Variants in GTF2F2 observed in about 807,000 individuals in gnomAD.
The protein encoded by GTF2F2 is ATP-dependent helicase GTF2F2.
In GTF2F2, 23 loss-of-function variants were observed where a neutral mutation model predicts 42.2. The observed-to-expected ratio is 0.55, with a 90% CI of 0.39 to 0.77. The LOEUF is 0.77. Ranked by LOEUF, GTF2F2 falls within the 30% of genes least tolerant of loss-of-function variation. The pLI is 0.00. For synonymous variants in GTF2F2, 105 were observed against 100.8 expected, an observed-to-expected ratio of 1.04 and a Z score of -0.25; for missense variants, 261 against 287.2, an observed-to-expected ratio of 0.91 and a Z score of 0.66.
chr13:45,191,643 A>G (rs1308100100), intron 4 of GTF2F2, among the ~76,000 whole-genome samples: 1 of 152,138 alleles, frequency 6.6e-6, no homozygotes, highest in African/African-American at 2.4e-5. Flanking sequence ...AAATCCAAGT[A>G]CAAGTAATTT....
chr13:45,136,409 G>C (rs577846144), intron 1 of GTF2F2, among the ~76,000 whole-genome samples: 5 of 152,324 alleles, frequency 3.3e-5, no homozygotes, highest in African/African-American at 1.2e-4. Flanking sequence ...AGTGAGTGCT[G>C]TTCTCTTCTG....
intron 4 of GTF2F2, among the ~76,000 whole-genome samples, chr13:45,191,224 A>AAAAAAAAAAAAATAT: frequency 1.3e-5 from 1 of 75,312 alleles, no homozygotes; most frequent in African/African-American, 1.0e-4. Context: ...ACAAAAAAAA[A>AAAAAAAAAAAAATAT]ATATATATAT....
At chr13:45,239,350 T>C (rs1297270214) in intron 5 of GTF2F2, among the ~76,000 whole-genome samples, 1 of 152,246 alleles carries the variant, frequency 6.6e-6, no homozygotes, top group Non-Finnish European at 1.5e-5. Flanking sequence ...GTGGAAATCT[T>C]GTGTTGTCTA....
chr13:45,245,682 TATATATATATATATATATAC>T (rs1875557055), intron 5 of GTF2F2, among the ~76,000 whole-genome samples: 1 of 112,806 alleles, frequency 8.9e-6, no homozygotes, highest in South Asian at 2.4e-4. Context: ...TATATATATA[TATATATATATATATATATAC>T]ATATACATAC....
chr13:45,132,280 A>G (rs935774167), intron 1 of GTF2F2, among the ~76,000 whole-genome samples: 1 of 152,214 alleles, frequency 6.6e-6, no homozygotes, highest in African/African-American at 2.4e-5. Context: ...GCGATAGTCA[A>G]GGTATCAGCC....
chr13:45,178,938 G>A (rs116887452), intron 4 of GTF2F2, among the ~76,000 whole-genome samples: 124 of 152,318 alleles, frequency 8.1e-4, no homozygotes, highest in Non-Finnish European at 1.1e-3. Flanking sequence ...CTGAGAGTTG[G>A]TGCATGTGGG....
intron 2 of GTF2F2, among the ~76,000 whole-genome samples, chr13:45,143,428 T>A (rs1870030925): frequency 6.6e-6 from 1 of 152,216 alleles, no homozygotes; most frequent in African/African-American, 2.4e-5. Context: ...GTAAATTGTT[T>A]ACTCTGTTTC....
rs542699720 is a variant in GTF2F2, at chr13:45,212,174, T to C, written c.386+4669T>C. Among the ~76,000 whole-genome samples, 12 of 152,354 alleles carry C rather than the reference T, an allele frequency of 7.9e-5. No individual in the cohort carries two copies. In the South Asian group the frequency reaches 2.1e-3, roughly 26 times the overall value. ...GAACAGAATTGGTAAGTCTGAGATA[T>C]TCTATACCTAGATTTTTCATAAACA... On this transcript the variant is annotated intron_variant, in intron 5 of 7. Transcript: ENST00000340473.
chr13:45,173,612 ATTTT>A (rs56033747), intron 4 of GTF2F2, among the ~76,000 whole-genome samples: 96 of 93,686 alleles, frequency 1.0e-3, no homozygotes, highest in African/African-American at 2.6e-3. Context: ...TAACTTTGTC[ATTTT>A]TTTTTTTTTT....
chr13:45,233,165 C>T (rs1282071870), intron 5 of GTF2F2, among the ~76,000 whole-genome samples: 1 of 152,112 alleles, frequency 6.6e-6, no homozygotes, highest in African/African-American at 2.4e-5. Context: ...GGCTTGAGCC[C>T]AGAAGTTTGA....
intron 5 of GTF2F2, among the ~76,000 whole-genome samples, chr13:45,212,054 C>T (rs1298125773): frequency 6.6e-6 from 1 of 151,956 alleles, no homozygotes; most frequent in East Asian, 1.9e-4. Flanking sequence ...CAGACAGTGT[C>T]GTGGAGGAAA....
intron 4 of GTF2F2, among the ~76,000 whole-genome samples, chr13:45,205,435 C>T (rs1361968886): frequency 6.6e-6 from 1 of 152,218 alleles, no homozygotes; most frequent in Non-Finnish European, 1.5e-5. Flanking sequence ...CAGAGCCAGA[C>T]CATATCAGTA....
chr13:45,244,681 C>A (rs1253544985), intron 5 of GTF2F2, among the ~76,000 whole-genome samples: 2 of 152,024 alleles, frequency 1.3e-5, no homozygotes, highest in Non-Finnish European at 2.9e-5. Flanking sequence ...ATTTCTTTCT[C>A]TTTTTTTGAG....
intron 1 of GTF2F2, chr13:45,124,034 G>T: frequency 8.8e-7 from 1 of 1,133,970 alleles, no homozygotes; most frequent in Non-Finnish European, 1.3e-6. Flanking sequence ...GGCCATGTGG[G>T]CCATGAGGTC....
intron 5 of GTF2F2, among the ~76,000 whole-genome samples, chr13:45,221,217 C>A (rs910816944): frequency 2.0e-5 from 3 of 152,058 alleles, no homozygotes; most frequent in African/African-American, 4.8e-5. Flanking sequence ...AGGTAAAAAA[C>A]CTGGGAGTTA....
intron 4 of GTF2F2, among the ~76,000 whole-genome samples, chr13:45,175,137 A>C (rs144234012): frequency 6.6e-6 from 1 of 152,154 alleles, no homozygotes; most frequent in Non-Finnish European, 1.5e-5. Context: ...TCACTATTCT[A>C]TCTCCTTCTG....
At chr13:45,200,621 G>A (rs1391592565) in intron 4 of GTF2F2, among the ~76,000 whole-genome samples, 2 of 152,194 alleles carry the variant, frequency 1.3e-5, no homozygotes, top group Non-Finnish European at 2.9e-5. Flanking sequence ...ATAGAGATCA[G>A]AATATTACTT....
At chr13:45,276,613 T>A (rs1877047151) in intron 7 of GTF2F2, among the ~76,000 whole-genome samples, 1 of 151,734 alleles carries the variant, frequency 6.6e-6, no homozygotes. Flanking sequence ...ATCTTTTGTA[T>A]TTTTTTTAGT....
intron 4 of GTF2F2, among the ~76,000 whole-genome samples, chr13:45,200,841 T>G (rs555994208): frequency 9.2e-5 from 14 of 152,294 alleles, no homozygotes; most frequent in African/African-American, 2.6e-4. Flanking sequence ...TTGAAAAGAT[T>G]ATTTCTTCAG....
Sources: allele counts gnomAD v4.1 joint callset (sites outside exome capture counted in the v4.1 genomes callset), GRCh38; gene constraint gnomAD v4.1.1; transcripts MANE v1.5; gene names NCBI Gene and HGNC (gene_info 2026-07-23, HGNC 2026-07-21).